PITPNM2: variants seen among roughly 807,000 people sequenced by gnomAD.
The protein encoded by PITPNM2 is phosphatidylinositol transfer protein membrane associated 2.
Under a neutral mutation model 132.2 loss-of-function variants are expected in PITPNM2, and 35 were observed. The observed-to-expected ratio is 0.26, with a 90% CI of 0.20 to 0.35. The LOEUF (loss-of-function observed/expected upper bound fraction) is 0.35. Among genes scored for constraint, PITPNM2 ranks in the 10% least tolerant of loss-of-function variants. The pLI, the probability that PITPNM2 is intolerant of heterozygous loss-of-function variation, is 1.00. For missense variants in PITPNM2, 1,332 were observed against 1,912.0 expected, an observed-to-expected ratio of 0.70 and a Z score of 5.66; for synonymous variants, 738 against 799.2, an observed-to-expected ratio of 0.92 and a Z score of 1.29.
Position 123,106,533 on chromosome 12 carries a change from G to A in PITPNM2, c.-96+3852C>T, listed in dbSNP as rs529413267. Among the ~76,000 whole-genome samples the A allele has an allele frequency of 6.6e-6, 1 of 152,364 alleles. No individual in the cohort carries two copies. The highest frequency in any genetic ancestry group is 1.5e-5 in the Non-Finnish European group (1 of 68,024). ...GGGAACAGGAAGAAGAGGAGACTGAGAAGAGCCAGCAATTTCTGGCTAAAG... is the reference window on the plus strand; with the variant it reads ...GGGAACAGGAAGAAGAGGAGACTGAAAAGAGCCAGCAATTTCTGGCTAAAG... On this transcript the variant is annotated intron_variant, in intron 2 of 25. Transcript: ENST00000320201. This position sits in a 1 kb window ranked among gnomAD's most constrained non-coding sequence, Gnocchi z 4.4.
intron 18 of PITPNM2, 109 bp from the exon 19 acceptor site, chr12:122,988,981 G>T: frequency 8.1e-7 from 1 of 1,239,864 alleles, no homozygotes; most frequent in Non-Finnish European, 1.1e-6. Context: ...CCCCCCACCA[G>T]CTATAGCCAA....
chr12:123,055,941 C>T (rs555140398), intron 2 of PITPNM2, among the ~76,000 whole-genome samples: 7 of 152,196 alleles, frequency 4.6e-5, no homozygotes, highest in Admixed American at 1.3e-4. Context: ...GAAAGCACGA[C>T]GAAAAGAAAT....
intron 2 of PITPNM2, among the ~76,000 whole-genome samples, chr12:123,042,937 T>C (rs576739438): frequency 1.3e-5 from 2 of 151,618 alleles, no homozygotes; most frequent in Admixed American, 6.6e-5. Context: ...GTTGCAGGAG[T>C]GTGTGGCTGC....
Position 123,009,825 on chromosome 12 carries a change from G to A in PITPNM2, c.643+25C>T. On this transcript the variant is annotated intron_variant, in intron 6 of 25. Coordinates refer to ENST00000320201, the MANE Select transcript of PITPNM2 (RefSeq NM_020845.3). The surrounding 1 kb of genome is among the most constrained non-coding windows in gnomAD (Gnocchi z 4.8). ...AGAGGGGTTGGGTAGCCCAGCCACT[G>A]CCCACCTGGCATGGGTGTGCTCACC... 6.2e-7 allele frequency: 1 copy of A among 1,606,330 alleles called. No individual in the cohort carries two copies. The highest frequency in any genetic ancestry group is 8.5e-7 in the Non-Finnish European group (1 of 1,173,064).
At chr12:123,072,438 G>A (rs2041645691) in intron 2 of PITPNM2, among the ~76,000 whole-genome samples, 1 of 152,242 alleles carries the variant, frequency 6.6e-6, no homozygotes, top group African/African-American at 2.4e-5. Context: ...ATGGCAACAA[G>A]GTGGGGAAAG....
rs2038250980 is a variant in PITPNM2, at chr12:122,992,765, G to C, written c.2234-96C>G. On this transcript the variant is annotated intron_variant, in intron 15 of 25. Coordinates refer to ENST00000320201, the MANE Select transcript of PITPNM2 (RefSeq NM_020845.3). The surrounding 1 kb of genome is among the most constrained non-coding windows in gnomAD (Gnocchi z 6.5). ...GGAACTGGGCACTGGGTTGTCTGCT[G>C]AAAGTTAGGGATAAGATGGGGGGTG... is the stretch of plus-strand genomic sequence containing the variant. 1.1e-6 allele frequency: 1 copy of C among 879,168 alleles called. No individual in the cohort carries two copies. The highest frequency in any genetic ancestry group is 1.7e-5 in the African/African-American group (1 of 58,288). The allele number at this position is 879,168 out of a possible 1,614,324, so 54.5% of individuals were successfully genotyped here.
rs1333709552 is a variant in PITPNM2, at chr12:122,989,799, C to G, written c.2719G>C (p.Asp907His). The G allele has an allele frequency of 1.4e-6, 2 of 1,406,618 alleles. No homozygotes were observed. The highest frequency in any genetic ancestry group is 3.0e-5 in the African/African-American group (2 of 67,048). 87.1% of individuals were successfully genotyped at this position (1,406,618 alleles called of 1,614,324 possible). The change falls in exon 18 of 26, where the codon GAC becomes CAC. Residue 907 changes from aspartate to histidine, a missense_variant. By Grantham distance (81) the Asp-to-His change is moderately conservative (BLOSUM62 -1). This residue lies in a region of PITPNM2 where 710 missense variants were observed against 911.5 expected (regional missense o/e 0.78). Coordinates refer to ENST00000320201, the MANE Select transcript of PITPNM2 (RefSeq NM_020845.3). The stretch of plus-strand genomic sequence containing the variant: ...TGTGGGGTGGTACCTTCTCCAATGT[C>G]CAGCTCAGGGAGGCCAGGGGCCCTC... ...LERAPGLPEL[D>H]IGEVAAKWWG...
intron 2 of PITPNM2, among the ~76,000 whole-genome samples, chr12:123,096,649 A>C (rs2042417911): frequency 6.6e-6 from 1 of 152,172 alleles, no homozygotes; most frequent in East Asian, 1.9e-4. Context: ...GGGCATCTGG[A>C]ATCCCTCCCC....
Position 122,992,751 on chromosome 12 carries a change from C to G in PITPNM2, c.2234-82G>C. On this transcript the variant is annotated intron_variant, in intron 15 of 25. Transcript: ENST00000320201. The surrounding 1 kb of genome is among the most constrained non-coding windows in gnomAD (Gnocchi z 6.5). The stretch of plus-strand genomic sequence containing the variant: ...GGGTGGGAAATTTGGGAACTGGGCA[C>G]TGGGTTGTCTGCTGAAAGTTAGGGA... The G allele has an allele frequency of 2.6e-6, 3 of 1,139,312 alleles. No individual in the cohort carries two copies. The South Asian group carries it at 4.6e-5, about 17-fold the overall frequency. The allele number at this position is 1,139,312 out of a possible 1,614,324, so 70.6% of individuals were successfully genotyped here. A position where few individuals can be genotyped will look rare whatever the true frequency, so the allele number is the denominator to read the frequency against.
chr12:123,112,719 T>C (rs563187673), intron 1 of PITPNM2, among the ~76,000 whole-genome samples: 30 of 152,202 alleles, frequency 2.0e-4, no homozygotes, highest in South Asian at 8.3e-4. Context: ...TTTGTATTTT[T>C]AGTAGAGACG....
chr12:123,125,652 G>A (rs189831293), intron 1 of PITPNM2, among the ~76,000 whole-genome samples: 1 of 151,474 alleles, frequency 6.6e-6, no homozygotes, highest in Non-Finnish European at 1.5e-5. Context: ...AGACCAGCCT[G>A]ACCAACAAGG....
Position 122,983,694 on chromosome 12 carries a change from C to T in PITPNM2, c.*2333G>A, listed in dbSNP as rs1471794155. 3.3e-5 allele frequency: 5 copies of T among 150,590 alleles called. No individual in the cohort carries two copies. The highest frequency in any genetic ancestry group is 5.9e-5 in the Non-Finnish European group (4 of 67,760). The allele number at this position is 150,590 out of a possible 1,614,324, so 9.3% of individuals were successfully genotyped here. ...GTGGGCAGTGGGACTCAGACCGAGC[C>T]AGGGAGGGGTGGGGGGTCTCTGCTG... On this transcript the variant is annotated 3_prime_UTR_variant, in exon 26 of 26. Transcript: ENST00000320201.
intron 2 of PITPNM2, among the ~76,000 whole-genome samples, chr12:123,085,857 A>G (rs2042097386): frequency 6.6e-6 from 1 of 152,210 alleles, no homozygotes; most frequent in Non-Finnish European, 1.5e-5. Context: ...CTTGTCATGT[A>G]TGAACACCAG....
intron 2 of PITPNM2, among the ~76,000 whole-genome samples, chr12:123,044,753 CT>C (rs2040598187): frequency 6.6e-6 from 1 of 152,136 alleles, no homozygotes; most frequent in Non-Finnish European, 1.5e-5. Flanking sequence ...GATTTTATAC[CT>C]TCTCTCCATC....
chr12:123,144,662 C>A (rs2043575063), intron 1 of PITPNM2, among the ~76,000 whole-genome samples: 1 of 152,116 alleles, frequency 6.6e-6, no homozygotes, highest in South Asian at 2.1e-4. Flanking sequence ...GATCTCTTGA[C>A]CTCATTATCT....
chr12:123,124,209 A>G (rs1319736676), intron 1 of PITPNM2, among the ~76,000 whole-genome samples: 1 of 152,094 alleles, frequency 6.6e-6, no homozygotes, highest in African/African-American at 2.4e-5. Context: ...TGAGCCCGAG[A>G]TTGTGCCACT....
At position 122,986,018 on chromosome 12, in the gene PITPNM2, C is replaced by CA; in HGVS notation, c.*8dup. 2 of 1,396,494 alleles carry CA rather than the reference C, an allele frequency of 1.4e-6. No homozygotes were observed. The highest frequency in any genetic ancestry group is 1.8e-6 in the Non-Finnish European group (2 of 1,086,980). The allele number at this position is 1,396,494 out of a possible 1,614,324, so 86.5% of individuals were successfully genotyped here. The stretch of plus-strand genomic sequence containing the variant: ...CACCATGGAGACCCCGCGCTGCACT[C>CA]ACGGTGCCCTACTTGGGGCCCGCGG... On this transcript the variant is annotated 3_prime_UTR_variant, in exon 26 of 26. Coordinates refer to ENST00000320201, the MANE Select transcript of PITPNM2 (RefSeq NM_020845.3).
chr12:123,105,492 A>G (rs1371424969), intron 2 of PITPNM2: 1 of 152,152 alleles, frequency 6.6e-6, no homozygotes, highest in Non-Finnish European at 1.5e-5. Flanking sequence ...AGCTCTGTAC[A>G]CTGTCTCCAG....
At chr12:123,148,842 G>A (rs960179262) in intron 1 of PITPNM2, among the ~76,000 whole-genome samples, 1 of 152,144 alleles carries the variant, frequency 6.6e-6, no homozygotes, top group Non-Finnish European at 1.5e-5. Context: ...GACTAGGGTG[G>A]TTCGAAAATC....
Sources: allele counts gnomAD v4.1 joint callset (sites outside exome capture counted in the v4.1 genomes callset), GRCh38; gene constraint gnomAD v4.1.1; regional missense constraint gnomAD v4.1.1; non-coding constraint Gnocchi (gnomAD v3.1); transcripts MANE v1.5; gene names NCBI Gene and HGNC (gene_info 2026-07-23, HGNC 2026-07-21).